Variants in EVL observed in about 807,000 individuals in gnomAD.
EVL encodes the protein ena/VASP-like protein.
Under a neutral mutation model 59.6 loss-of-function variants are expected in EVL, and 21 were observed. That is an observed-to-expected ratio of 0.35 (90% CI 0.25 to 0.51). EVL has a LOEUF of 0.51. Among genes scored for constraint, EVL ranks in the 20% least tolerant of loss-of-function variants. The pLI is 0.97. For missense variants in EVL, 462 were observed against 546.6 expected, an observed-to-expected ratio of 0.85 and a Z score of 1.54; for synonymous variants, 198 against 203.5, an observed-to-expected ratio of 0.97 and a Z score of 0.23.
intron 4 of EVL, among the ~76,000 whole-genome samples, chr14:100,125,150 A>ACACACACACACACACACC (rs1555361572): frequency 7.8e-6 from 1 of 128,286 alleles, no homozygotes; most frequent in African/African-American, 3.6e-5. Context: ...ACACACACAC[A>ACACACACACACACACACC]CCTGCCCCAA....
chr14:100,052,965 GCCA>G (rs1384918187), intron 1 of EVL: 2 of 152,292 alleles, frequency 1.3e-5, no homozygotes, highest in Non-Finnish European at 1.5e-5. Context: ...CTTGCAGATG[GCCA>G]CCTTCTTGCA....
At chr14:100,106,171 GAA>G (rs1417635164) in intron 3 of EVL, 2 of 152,204 alleles carry the variant, frequency 1.3e-5, no homozygotes, top group East Asian at 3.8e-4. Flanking sequence ...CCTGCGCAGT[GAA>G]GTCTTGTCTT....
At chr14:99,990,829 A>G (rs1257187453) in intron 1 of EVL, among the ~76,000 whole-genome samples, 4 of 152,120 alleles carry the variant, frequency 2.6e-5, no homozygotes, top group Non-Finnish European at 5.9e-5. Flanking sequence ...GTATGCAGAT[A>G]TCTCTTCAAG....
chr14:100,017,847 C>T lies in EVL; in HGVS notation c.5+45790C>T, dbSNP rs74084424. 3.1e-3 allele frequency among the ~76,000 whole-genome samples: 472 copies of T among 152,320 alleles called. 4 individuals are homozygous for T. Among genetic ancestry groups the T allele is most frequent in the African/African-American group, 9.8e-3 (408 of 41,574 alleles). On this transcript the variant is annotated intron_variant, in intron 1 of 13. Transcript: ENST00000402714. Reference sequence around the variant, plus strand: ...GATTCCCCCAGACACCTCCCTCACTCGTCAGTCGGCCTCGTTTGGCCTTTG... The same window carrying T: ...GATTCCCCCAGACACCTCCCTCACTTGTCAGTCGGCCTCGTTTGGCCTTTG...
At chr14:99,983,239 A>G (rs921151307) in intron 1 of EVL, among the ~76,000 whole-genome samples, 2 of 152,210 alleles carry the variant, frequency 1.3e-5, no homozygotes, top group African/African-American at 4.8e-5. Flanking sequence ...GACATTCTCT[A>G]TGAAAGATGA....
chr14:100,137,189 G>A (rs1888850562), intron 9 of EVL: 4 of 266,106 alleles, frequency 1.5e-5, no homozygotes, highest in Non-Finnish European at 2.2e-5. Context: ...GGCAGACTAA[G>A]GAGCCCCTCA....
At chr14:100,038,639 TA>T (rs1229460388) in intron 1 of EVL, among the ~76,000 whole-genome samples, 1 of 152,224 alleles carries the variant, frequency 6.6e-6, no homozygotes, top group African/African-American at 2.4e-5. Flanking sequence ...CTGCTCATAA[TA>T]AAAAGCTTAA....
chr14:100,111,148 A>ATTTT (rs35367426), intron 3 of EVL, among the ~76,000 whole-genome samples: 293 of 86,800 alleles, frequency 3.4e-3, no homozygotes, highest in Non-Finnish European at 4.7e-3. Flanking sequence ...TAGTGTCCTC[A>ATTTT]TTTTTTTTTT....
chr14:100,098,083 G>A (rs1384482604), intron 3 of EVL, among the ~76,000 whole-genome samples: 3 of 152,200 alleles, frequency 2.0e-5, no homozygotes, highest in Non-Finnish European at 4.4e-5. Flanking sequence ...AGGCAAAATA[G>A]ATAAGAAATG....
chr14:100,051,432 G>A (rs2061646122), intron 1 of EVL, among the ~76,000 whole-genome samples: 1 of 152,178 alleles, frequency 6.6e-6, no homozygotes. Flanking sequence ...GGTGACTTCT[G>A]TATAATATTC....
At chr14:100,085,568 T>TAC (rs552311317) in intron 2 of EVL, among the ~76,000 whole-genome samples, 115 of 152,352 alleles carry the variant, frequency 7.5e-4, no homozygotes, top group African/African-American at 2.7e-3. Context: ...ATTTAACAGA[T>TAC]CTGTGATTAT....
rs1020085183 is a variant in EVL, at chr14:100,127,664, C to T, written c.488-855C>T. On this transcript the variant is annotated intron_variant, in intron 5 of 13. Coordinates refer to ENST00000392920, the MANE Select transcript of EVL (RefSeq NM_016337.3). The surrounding 1 kb of genome is among the most constrained non-coding windows in gnomAD (Gnocchi z 4.2). ...CCTCCTTCCTCACACTTGCCTCCCCCCTTCACCTAACTGAACCCCTGCTCT... is the reference window on the plus strand; with the variant it reads ...CCTCCTTCCTCACACTTGCCTCCCCTCTTCACCTAACTGAACCCCTGCTCT... Among the ~76,000 whole-genome samples the T allele has an allele frequency of 2.0e-5, 3 of 152,206 alleles. No individual in the cohort carries two copies. Among genetic ancestry groups the T allele is most frequent in the South Asian group, 2.1e-4 (1 of 4,828 alleles).
intron 1 of EVL, among the ~76,000 whole-genome samples, chr14:100,005,966 TC>T (rs2060976254): frequency 6.8e-6 from 1 of 147,178 alleles, no homozygotes; most frequent in African/African-American, 2.5e-5. Context: ...GCCCTTTAAG[TC>T]AAAAAATCTT....
intron 7 of EVL, among the ~76,000 whole-genome samples, chr14:100,132,002 C>T (rs1888465535): frequency 6.6e-6 from 1 of 152,110 alleles, no homozygotes; most frequent in African/African-American, 2.4e-5. Flanking sequence ...GCTTGATGGG[C>T]AGCTCATCTC....
intron 1 of EVL, among the ~76,000 whole-genome samples, chr14:100,051,524 T>C (rs1290706935): frequency 1.3e-5 from 2 of 152,194 alleles, no homozygotes; most frequent in African/African-American, 4.8e-5. Context: ...TTTTTACTTA[T>C]AACAGCATTA....
intron 4 of EVL, among the ~76,000 whole-genome samples, chr14:100,125,199 C>A (rs555527066): frequency 2.7e-5 from 4 of 146,112 alleles, no homozygotes; most frequent in African/African-American, 1.0e-4. Flanking sequence ...CACACACCTG[C>A]CCCAAGACGG....
chr14:100,019,542 A>AT, intron 1 of EVL: 1 of 794,906 alleles, frequency 1.3e-6, no homozygotes, highest in Non-Finnish European at 1.9e-6. Flanking sequence ...ACTTCAGAAT[A>AT]TTGGGGGGTG....
intron 1 of EVL, among the ~76,000 whole-genome samples, chr14:99,997,956 A>T (rs2060924251): frequency 6.6e-6 from 1 of 152,122 alleles, no homozygotes; most frequent in South Asian, 2.1e-4. Context: ...TCTGTACTGT[A>T]TTGCCTCTCA....
chr14:99,979,128 G>T (rs557854697), intron 1 of EVL, among the ~76,000 whole-genome samples: 1 of 152,078 alleles, frequency 6.6e-6, no homozygotes, highest in East Asian at 1.9e-4. Context: ...GTAAGGAGGT[G>T]TAAGGAACTA....
Sources: allele counts gnomAD v4.1 joint callset (sites outside exome capture counted in the v4.1 genomes callset), GRCh38; gene constraint gnomAD v4.1.1; non-coding constraint Gnocchi (gnomAD v3.1); transcripts MANE v1.5; gene names NCBI Gene and HGNC (gene_info 2026-07-23, HGNC 2026-07-21).